ZFP37: variants seen among roughly 807,000 people sequenced by gnomAD.
The protein encoded by ZFP37 is ZFP37 zinc finger protein.
ZFP37 carries 38 observed loss-of-function variants against 52.1 expected under a neutral mutation model. That is an observed-to-expected ratio of 0.73 (90% CI 0.56 to 0.96). The LOEUF is 0.96. Among genes scored for constraint, ZFP37 ranks in the 40% least tolerant of loss-of-function variants. The pLI, the probability that ZFP37 is intolerant of heterozygous loss-of-function variation, is 0.00. For synonymous variants in ZFP37, 253 were observed against 259.5 expected, an observed-to-expected ratio of 0.98 and a Z score of 0.24; for missense variants, 695 against 741.4, an observed-to-expected ratio of 0.94 and a Z score of 0.73.
At chr9:113,049,096 A>G (rs898064063) in intron 3 of ZFP37, among the ~76,000 whole-genome samples, 2 of 152,194 alleles carry the variant, frequency 1.3e-5, no homozygotes, top group Admixed American at 6.5e-5. Flanking sequence ...TGACTGATAC[A>G]GGTGATATAA....
At position 113,050,037 on chromosome 9, in the gene ZFP37, C is replaced by T. The variant is rs1829029175; in HGVS notation, c.133-165G>A. 3 of 1,109,216 alleles carry T rather than the reference C, an allele frequency of 2.7e-6. No individual in the cohort carries two copies. In the African/African-American group the frequency reaches 4.8e-5, roughly 18 times the overall value. 68.7% of individuals were successfully genotyped at this position (1,109,216 alleles called of 1,614,324 possible). A position where few individuals can be genotyped will look rare whatever the true frequency, so the allele number is the denominator to read the frequency against. ...GTTGATCATGATATTATAAAGGATACCTATTCTCTACTCAATTTTTCATTA... is the reference window on the plus strand; with the variant it reads ...GTTGATCATGATATTATAAAGGATATCTATTCTCTACTCAATTTTTCATTA... On this transcript the variant is annotated intron_variant, in intron 1 of 3. Coordinates refer to ENST00000374227, the MANE Select transcript of ZFP37 (RefSeq NM_003408.3).
At position 113,049,362 on chromosome 9, in the gene ZFP37, T is replaced by C. The variant is rs758544571; in HGVS notation, c.349A>G (p.Lys117Glu). 2.5e-6 allele frequency: 4 copies of C among 1,611,924 alleles called. No homozygotes were observed. The highest frequency in any genetic ancestry group is 3.4e-6 in the Non-Finnish European group (4 of 1,179,438). ...GAAAAATTTCAAAGTTACAACTTAC[T>C]TCCATCAGTTTCTTTTTGCTTGGGT... The part of the protein sequence containing the change: ...ARPKQKETDG[K>E]VQKDDDQLEN... Residue 117 changes from lysine to glutamate, a missense_variant and splice_region_variant, in exon 3 of 4, where the codon AAA (lysine) becomes GAA (glutamate). This residue lies in a region of ZFP37 where 369 missense variants were observed against 340.9 expected (regional missense o/e 1.08). Transcript: ENST00000374227.
chr9:113,046,610 C>T lies in ZFP37; in HGVS notation c.350-2342G>A, dbSNP rs76000110. On this transcript the variant is annotated intron_variant, in intron 3 of 3. Coordinates refer to ENST00000374227, the MANE Select transcript of ZFP37 (RefSeq NM_003408.3). Reference sequence around the variant, plus strand: ...ATGAAGGAAAGGAGGAGAATTTGAACGAGTAAATTGGTATAGTAATATGGG... The same window carrying T: ...ATGAAGGAAAGGAGGAGAATTTGAATGAGTAAATTGGTATAGTAATATGGG... Among the ~76,000 whole-genome samples, 78 of 152,116 alleles carry T rather than the reference C, an allele frequency of 5.1e-4. 1 individual carries two copies. In the East Asian group the frequency reaches 0.014, roughly 26 times the overall value.
At chr9:113,049,769 A>G (rs866372069) in intron 2 of ZFP37, 22 bp downstream of exon 2, 3 of 1,610,048 alleles carry the variant, frequency 1.9e-6, no homozygotes, top group Middle Eastern at 3.3e-4. Context: ...CACATTTTGA[A>G]TTACAAAGGA....
rs938722574 is a variant in ZFP37 at position 113,044,119 on chromosome 9, G to C, written c.499C>G (p.His167Asp). The C allele has an allele frequency of 6.2e-7, 1 of 1,611,428 alleles. No individual in the cohort carries two copies. The highest frequency in any genetic ancestry group is 1.7e-5 in the Admixed American group (1 of 59,546). Residue 167 changes from histidine to aspartate, a missense_variant, in exon 4 of 4, where the codon CAT becomes GAT. Coordinates refer to ENST00000374227, the MANE Select transcript of ZFP37 (RefSeq NM_003408.3). The part of the protein sequence containing the change: ...LGKKNNLHKK[H>D]VPSKKRLLKF... ...AGAAGCCTTTTCTTTGAAGGAACAT[G>C]TTTTTTATGCAAATTATTTTTTTTC...
At position 113,042,510 on chromosome 9, in the gene ZFP37, G is replaced by T. The variant is rs943374181; in HGVS notation, c.*215C>A. ...AACATGTAGATCATTTATAATAATT[G>T]AGTAGTTAAAACAATATTTTTTATA... On this transcript the variant is annotated 3_prime_UTR_variant, in exon 4 of 4. Transcript: ENST00000374227. The T allele has an allele frequency of 1.2e-4, 51 of 410,776 alleles. No individual in the cohort carries two copies. Among genetic ancestry groups the T allele is most frequent in the Non-Finnish European group, 1.8e-4 (43 of 233,554 alleles). The allele number at this position is 410,776 out of a possible 1,614,324, so 25.4% of individuals were successfully genotyped here. A position where few individuals can be genotyped will look rare whatever the true frequency, so the allele number is the denominator to read the frequency against.
At position 113,041,509 on chromosome 9, in the gene ZFP37, G is replaced by T. The variant is rs543299800; in HGVS notation, c.*1216C>A. On this transcript the variant is annotated 3_prime_UTR_variant, in exon 4 of 4. Transcript: ENST00000374227. ...TTCTTTGAATATGAGATAAAACAGG[G>T]TGATTATTCATAAAATCACTTTCAT... The T allele has an allele frequency of 7.9e-5, 12 of 152,260 alleles. No individual in the cohort carries two copies. Among genetic ancestry groups the T allele is most frequent in the Admixed American group, 5.9e-4 (9 of 15,294 alleles). The allele number at this position is 152,260 out of a possible 1,614,324, so 9.4% of individuals were successfully genotyped here. A position where few individuals can be genotyped will look rare whatever the true frequency, so the allele number is the denominator to read the frequency against.
chr9:113,049,540 C>T lies in ZFP37; in HGVS notation c.215-44G>A, dbSNP rs752515492. The stretch of plus-strand genomic sequence containing the variant: ...AGAAACTGAGTGTTAGAACAACCAT[C>T]CCAGAAATGAAGCCGCAGCATTTGT... On this transcript the variant is annotated intron_variant, in intron 2 of 3. Coordinates refer to ENST00000374227, the MANE Select transcript of ZFP37 (RefSeq NM_003408.3). 3.8e-6 allele frequency: 6 copies of T among 1,588,918 alleles called. No homozygotes were observed. The South Asian group carries it at 6.8e-5, about 18-fold the overall frequency.
intron 1 of ZFP37, chr9:113,050,131 TC>T: frequency 2.7e-6 from 1 of 374,532 alleles, no homozygotes. Flanking sequence ...ATGCCTGTAA[TC>T]CCAGCACTTT....
rs1829083849 is a variant in ZFP37, at chr9:113,052,996, A to G, written c.133-3124T>C. On this transcript the variant is annotated intron_variant, in intron 1 of 3. Transcript: ENST00000374227. This position sits in a 1 kb window ranked among gnomAD's most constrained non-coding sequence, Gnocchi z 4.1. The stretch of plus-strand genomic sequence containing the variant: ...TGCCATAATGCTGCACTACCTCCGT[A>G]TCAACGTGGAAGAGCCATTCAACAC... 6.6e-6 allele frequency among the ~76,000 whole-genome samples: 1 copy of G among 152,206 alleles called. No individual in the cohort carries two copies. The highest frequency in any genetic ancestry group is 2.4e-5 in the African/African-American group (1 of 41,436).
intron 3 of ZFP37, among the ~76,000 whole-genome samples, chr9:113,045,886 T>C (rs2118695228): frequency 6.6e-6 from 1 of 152,052 alleles, no homozygotes; most frequent in East Asian, 1.9e-4. Flanking sequence ...AGCTTCAGAG[T>C]GAGAATTAAA....
At chr9:113,050,249 G>T (rs1321639883) in intron 1 of ZFP37, among the ~76,000 whole-genome samples, 1 of 151,926 alleles carries the variant, frequency 6.6e-6, no homozygotes. Context: ...AGCTGGGCAT[G>T]GTGGTGCATG....
chr9:113,040,261 C>A lies in ZFP37; in HGVS notation c.*2464G>T, dbSNP rs1176109913. 6.6e-6 allele frequency: 1 copy of A among 152,216 alleles called. No homozygotes were observed. Among genetic ancestry groups the A allele is most frequent in the Admixed American group, 6.5e-5 (1 of 15,282 alleles). The allele number at this position is 152,216 out of a possible 1,614,324, so 9.4% of individuals were successfully genotyped here. A position where few individuals can be genotyped will look rare whatever the true frequency, so the allele number is the denominator to read the frequency against. Reference sequence around the variant, plus strand: ...AGATGTGGCAATACTATGGGTTCCCCAAGACATGTGGAAATTCAACATAGC... The same window carrying A: ...AGATGTGGCAATACTATGGGTTCCCAAAGACATGTGGAAATTCAACATAGC... On this transcript the variant is annotated 3_prime_UTR_variant, in exon 4 of 4. Transcript: ENST00000374227.
chr9:113,052,080 C>T lies in ZFP37; in HGVS notation c.133-2208G>A, dbSNP rs940404642. 2.6e-5 allele frequency among the ~76,000 whole-genome samples: 4 copies of T among 152,084 alleles called. No individual in the cohort carries two copies. The highest frequency in any genetic ancestry group is 6.5e-5 in the Admixed American group (1 of 15,268). ...CCCCAAATCCCTCATCTTATCAATCCCCAATCACTAAACAGAATTCTCAAG... is the reference window on the plus strand; with the variant it reads ...CCCCAAATCCCTCATCTTATCAATCTCCAATCACTAAACAGAATTCTCAAG... On this transcript the variant is annotated intron_variant, in intron 1 of 3. Transcript: ENST00000374227. This position sits in a 1 kb window ranked among gnomAD's most constrained non-coding sequence, Gnocchi z 4.1.
chr9:113,046,232 A>G (rs932950551), intron 3 of ZFP37, among the ~76,000 whole-genome samples: 5 of 140,290 alleles, frequency 3.6e-5, no homozygotes, highest in Middle Eastern at 3.4e-3. Flanking sequence ...ACATATATCT[A>G]TATATATATA....
chr9:113,043,320 T>C lies in ZFP37; in HGVS notation c.1298A>G (p.Tyr433Cys). 1.2e-6 allele frequency: 2 copies of C among 1,614,080 alleles called. No homozygotes were observed. The highest frequency in any genetic ancestry group is 2.2e-5 in the South Asian group (2 of 91,082). The change falls in exon 4 of 4, where the codon TAT (tyrosine) becomes TGT (cysteine). Residue 433 changes from tyrosine (Y) to cysteine (C), a missense_variant. Coordinates refer to ENST00000374227, the MANE Select transcript of ZFP37 (RefSeq NM_003408.3). ...GGCTTTTCCACATTCATTGCATTCA[T>C]ATGGTATTTCACCTGTATGTGTTCT... Reference protein sequence around the residue: ...HVRTHTGEIPYECNECGKAFK... With the variant: ...HVRTHTGEIPCECNECGKAFK...
In ZFP37 at chr9:113,040,979, G is replaced by T. The variant is rs916611310; in HGVS notation, c.*1746C>A. 4.6e-5 allele frequency: 7 copies of T among 152,096 alleles called. No homozygotes were observed. The highest frequency in any genetic ancestry group is 3.9e-4 in the Admixed American group (6 of 15,272). 9.4% of individuals were successfully genotyped at this position (152,096 alleles called of 1,614,324 possible). A position where few individuals can be genotyped will look rare whatever the true frequency, so the allele number is the denominator to read the frequency against. On this transcript the variant is annotated 3_prime_UTR_variant, in exon 4 of 4. Coordinates refer to ENST00000374227, the MANE Select transcript of ZFP37 (RefSeq NM_003408.3). ...TTGTATTTCTTTTTTTTGAGACAGA[G>T]CCTCACTCTGCTGCCCAGGCTGGAG...
At chr9:113,056,527 C>G (rs1281265571) in intron 1 of ZFP37, 30 bp downstream of exon 1, 1 of 1,609,970 alleles carries the variant, frequency 6.2e-7, no homozygotes, top group Non-Finnish European at 8.5e-7. Flanking sequence ...CTCTGACCGC[C>G]AAAACACCCT....
At chr9:113,055,189 T>C (rs1296731410) in intron 1 of ZFP37, among the ~76,000 whole-genome samples, 1 of 152,196 alleles carries the variant, frequency 6.6e-6, no homozygotes, top group South Asian at 2.1e-4. Flanking sequence ...TATTTCTTCC[T>C]GAAACACTCT....
Sources: allele counts gnomAD v4.1 joint callset (sites outside exome capture counted in the v4.1 genomes callset), GRCh38; gene constraint gnomAD v4.1.1; regional missense constraint gnomAD v4.1.1; non-coding constraint Gnocchi (gnomAD v3.1); transcripts MANE v1.5; gene names NCBI Gene and HGNC (gene_info 2026-07-23, HGNC 2026-07-21).